YWHAZ: variants seen among roughly 807,000 people sequenced by gnomAD.
The protein encoded by YWHAZ is tyrosine 3-monooxygenase/tryptophan 5-monooxygenase activation protein zeta, also known as 14-3-3 protein zeta/delta.
For synonymous variants in YWHAZ, 87 were observed against 103.6 expected (o/e 0.84, Z 0.97); for missense variants, 79 against 284.8 (o/e 0.28, Z 5.20).
At chr8:100,951,646 G>A in intron 1 of YWHAZ, 1 of 985,318 alleles carries the variant, frequency 1.0e-6, no homozygotes, top group Non-Finnish European at 1.2e-6. Context: ...GATCTCGCGT[G>A]TGGGCGCCCT....
intron 2 of YWHAZ, among the ~76,000 whole-genome samples, chr8:100,940,311 T>G (rs1254896633): frequency 6.6e-6 from 1 of 152,172 alleles, no homozygotes; most frequent in African/African-American, 2.4e-5. Flanking sequence ...TCATTTTTCA[T>G]AGGGCTTTTT....
At chr8:100,928,178 A>T (rs1008967204) in intron 2 of YWHAZ, among the ~76,000 whole-genome samples, 23 of 151,514 alleles carry the variant, frequency 1.5e-4, no homozygotes, top group Non-Finnish European at 2.7e-4. Flanking sequence ...TACTCGGGAG[A>T]CTGAGGCAGG....
chr8:100,949,184 C>A (rs1220053442), intron 1 of YWHAZ, among the ~76,000 whole-genome samples: 3 of 152,146 alleles, frequency 2.0e-5, no homozygotes, highest in Non-Finnish European at 4.4e-5. Flanking sequence ...AAATTACTTC[C>A]AAAAGCTGCC....
intron 2 of YWHAZ, among the ~76,000 whole-genome samples, chr8:100,944,737 T>G (rs1183976237): frequency 5.3e-5 from 8 of 152,162 alleles, no homozygotes; most frequent in African/African-American, 1.9e-4. Flanking sequence ...AAAGCTAAGA[T>G]AAACAGGACA....
chr8:100,925,188 G>T, intron 2 of YWHAZ, 149 bp from the exon 3 acceptor site: 1 of 845,932 alleles, frequency 1.2e-6, no homozygotes, highest in Non-Finnish European at 1.8e-6. Context: ...GCTGGCACAT[G>T]AATTTGTGGT....
chr8:100,925,960 A>G (rs956050509), intron 2 of YWHAZ, among the ~76,000 whole-genome samples: 1 of 152,124 alleles, frequency 6.6e-6, no homozygotes, highest in Admixed American at 6.6e-5. Flanking sequence ...ACCCATTCTC[A>G]CTACCCCACT....
At chr8:100,929,811 G>GA (rs1245401694) in intron 2 of YWHAZ, among the ~76,000 whole-genome samples, 3 of 151,682 alleles carry the variant, frequency 2.0e-5, no homozygotes, top group South Asian at 2.1e-4. Flanking sequence ...AGGAAGAATA[G>GA]AAAAAAATGA....
chr8:100,951,430 A>T (rs1407235693), intron 1 of YWHAZ: 12 of 979,080 alleles, frequency 1.2e-5, no homozygotes, highest in Non-Finnish European at 1.5e-5. Flanking sequence ...GGGGCGGCCG[A>T]GGGAGAGGGG....
Position 100,924,420 on chromosome 8 carries a change from T to A in YWHAZ, c.419-122A>T. 1 of 1,025,606 alleles carries A rather than the reference T, an allele frequency of 9.8e-7. No homozygotes were observed. The highest frequency in any genetic ancestry group is 1.9e-5 in the South Asian group (1 of 53,310). The allele number at this position is 1,025,606 out of a possible 1,614,324, so 63.5% of individuals were successfully genotyped here. On this transcript the variant is annotated intron_variant, in intron 3 of 5. Coordinates refer to ENST00000395958, the MANE Select transcript of YWHAZ (RefSeq NM_145690.3). The surrounding 1 kb of genome is among the most constrained non-coding windows in gnomAD (Gnocchi z 5.7). ...CTAACCTGTAACAGCTTAATATTTG[T>A]TAATTGAACAAGGTCCTTTTTTTTT... is the stretch of plus-strand genomic sequence containing the variant.
rs746598100 is a variant in YWHAZ at position 100,924,279 on chromosome 8, T to C, written c.438A>G (p.Gln146=). Residue 146 remains glutamine, a synonymous_variant, in exon 4 of 6, where the codon CAA becomes CAG. Coordinates refer to ENST00000395958, the MANE Select transcript of YWHAZ (RefSeq NM_145690.3). This position sits in a 1 kb window ranked among gnomAD's most constrained non-coding sequence, Gnocchi z 5.7. The part of the protein sequence containing the change: ...DDKKGIVDQS[Q]QAYQEAFEIS... ...TTTCAAAAGCTTCTTGGTATGCTTG[T>C]TGTGACTGATCGACAATCCCTGGAT... 6 of 1,613,388 alleles carry C rather than the reference T, an allele frequency of 3.7e-6. No individual in the cohort carries two copies. In the East Asian group the frequency reaches 6.7e-5, roughly 18 times the overall value.
At chr8:100,943,447 G>A (rs1475812135) in intron 2 of YWHAZ, among the ~76,000 whole-genome samples, 1 of 152,154 alleles carries the variant, frequency 6.6e-6, no homozygotes, top group Non-Finnish European at 1.5e-5. Context: ...AATATGCCAA[G>A]AGTAACTTAT....
At chr8:100,937,848 C>G (rs1335023492) in intron 2 of YWHAZ, among the ~76,000 whole-genome samples, 1 of 152,180 alleles carries the variant, frequency 6.6e-6, no homozygotes, top group Non-Finnish European at 1.5e-5. Context: ...AAACAAAAAT[C>G]GGCCGGGTGC....
upstream of YWHAZ, chr8:100,953,248 A>T (rs1257627413): frequency 6.1e-6 from 6 of 985,306 alleles, no homozygotes; most frequent in Non-Finnish European, 7.2e-6. Context: ...AAGACCTCAT[A>T]CTGCACATGA....
chr8:100,946,920 T>C (rs1191861363), intron 2 of YWHAZ, among the ~76,000 whole-genome samples: 5 of 148,300 alleles, frequency 3.4e-5, no homozygotes, highest in African/African-American at 5.0e-5. Flanking sequence ...AAAAACCCAA[T>C]ACATTTTTTA....
upstream of YWHAZ, chr8:100,952,939 G>T: frequency 2.0e-6 from 2 of 1,000,602 alleles, no homozygotes; most frequent in Non-Finnish European, 2.4e-6. Flanking sequence ...GAGTGATGGG[G>T]AGGCGTTCCA....
At chr8:100,946,108 G>A (rs911759488) in intron 2 of YWHAZ, among the ~76,000 whole-genome samples, 5 of 152,142 alleles carry the variant, frequency 3.3e-5, no homozygotes, top group Non-Finnish European at 7.3e-5. Flanking sequence ...TGTGGGTAGG[G>A]ACCAGAGTGA....
intron 2 of YWHAZ, among the ~76,000 whole-genome samples, chr8:100,925,430 G>A (rs1258921841): frequency 6.6e-6 from 1 of 152,138 alleles, no homozygotes; most frequent in Admixed American, 6.5e-5. Context: ...AGAACATACG[G>A]GATGAACCTT....
At chr8:100,951,508 G>A in intron 1 of YWHAZ, 1 of 985,770 alleles carries the variant, frequency 1.0e-6, no homozygotes, top group African/African-American at 1.7e-5. Context: ...ATCTCGGGCG[G>A]AAGCGAGAAG....
intron 2 of YWHAZ, among the ~76,000 whole-genome samples, chr8:100,945,713 AAT>A (rs1034718084): frequency 1.3e-5 from 2 of 152,170 alleles, no homozygotes; most frequent in African/African-American, 2.4e-5. Flanking sequence ...AATTTTATGC[AAT>A]ATGTTTCCAG....
Sources: gnomAD v4.1 joint callset for allele counts (sites outside exome capture counted in the v4.1 genomes callset) on GRCh38, gnomAD v4.1.1 for gene constraint, Gnocchi (gnomAD v3.1) non-coding constraint, MANE v1.5 for transcripts, NCBI Gene and HGNC (gene_info 2026-07-23, HGNC 2026-07-21) for gene names.